Variants in POU3F3 observed in about 807,000 individuals in gnomAD.
The protein encoded by POU3F3 is POU class 3 homeobox 3.
Under a neutral mutation model 8.6 loss-of-function variants are expected in POU3F3, and 1 was observed. That is an observed-to-expected ratio of 0.12 (90% CI 0.04 to 0.55). POU3F3 has a LOEUF of 0.55. Among genes scored for constraint, POU3F3 ranks in the 20% least tolerant of loss-of-function variants. The pLI, the probability that POU3F3 is intolerant of heterozygous loss-of-function variation, is 0.91. For missense variants in POU3F3, 577 were observed against 690.7 expected (o/e 0.84, Z 1.84); for synonymous variants, 418 against 327.4 (o/e 1.28, Z -2.99).
chr2:104,878,099 A>G, the POU3F3 span, among the ~76,000 whole-genome samples: 1 of 152,218 alleles, frequency 6.6e-6, no homozygotes, highest in Middle Eastern at 3.2e-3. Flanking sequence ...AGGACAGACT[A>G]ACCAGAAACT....
rs1676611852 is a variant in POU3F3, at chr2:104,858,072, A to G, written c.*1059A>G. On this transcript the variant is annotated 3_prime_UTR_variant, in exon 1 of 1. Coordinates refer to ENST00000361360, the MANE Select transcript of POU3F3 (RefSeq NM_006236.3). ...TTCCACCGCTAATATTTTTTTTATT[A>G]ATATTTTTTATTTTTTATTTCTGGA... 1 of 152,160 alleles carries G rather than the reference A, an allele frequency of 6.6e-6. No individual in the cohort carries two copies. Among genetic ancestry groups the G allele is most frequent in the African/African-American group, 2.4e-5 (1 of 41,430 alleles). The allele number at this position is 152,160 out of a possible 1,614,324, so 9.4% of individuals were successfully genotyped here. A position where few individuals can be genotyped will look rare whatever the true frequency, so the allele number is the denominator to read the frequency against.
the POU3F3 span, chr2:104,868,234 C>G: frequency 6.6e-6 from 3 of 456,290 alleles, no homozygotes; most frequent in Admixed American, 7.0e-5. Flanking sequence ...TCTGGCACCT[C>G]GCGGTCTCAG....
At chr2:104,918,996 C>T in the POU3F3 span, among the ~76,000 whole-genome samples, 13 of 151,932 alleles carry the variant, frequency 8.6e-5, no homozygotes, top group African/African-American at 1.9e-4. Context: ...CTCAGCCTCC[C>T]GAGTAGCTGG....
At chr2:104,919,210 C>T in the POU3F3 span, among the ~76,000 whole-genome samples, 1 of 152,346 alleles carries the variant, frequency 6.6e-6, no homozygotes, top group East Asian at 1.9e-4. Flanking sequence ...CTGTGGAGAA[C>T]AGTATGTGCT....
At chr2:104,914,736 C>T in the POU3F3 span, among the ~76,000 whole-genome samples, 1 of 152,200 alleles carries the variant, frequency 6.6e-6, no homozygotes, top group Non-Finnish European at 1.5e-5. Context: ...ATGTTCCCTG[C>T]AGAAGGGGAT....
Position 104,855,824 on chromosome 2 carries a change from C to T in POU3F3, c.314C>T (p.Ala105Val). 8.8e-7 allele frequency: 1 copy of T among 1,135,582 alleles called. No individual in the cohort carries two copies. 70.3% of individuals were successfully genotyped at this position (1,135,582 alleles called of 1,614,324 possible). A position where few individuals can be genotyped will look rare whatever the true frequency, so the allele number is the denominator to read the frequency against. ...HQWVTALPHA[A>V]AAAAAAAAAA... ...TGGGTCACAGCCCTGCCCCACGCCG[C>T]CGCCGCCGCCGCCGCTGCCGCCGCC... The change falls in exon 1 of 1, where the codon GCC (alanine) becomes GTC (valine). Residue 105 changes from alanine (A) to valine (V), a missense_variant. By Grantham distance (64) the Ala-to-Val change is moderately conservative. This residue lies in a region of POU3F3 where 484 missense variants were observed against 422.6 expected (regional missense o/e 1.15). Coordinates refer to ENST00000361360, the MANE Select transcript of POU3F3 (RefSeq NM_006236.3).
At chr2:104,906,759 T>A in the POU3F3 span, among the ~76,000 whole-genome samples, 1 of 152,210 alleles carries the variant, frequency 6.6e-6, no homozygotes, top group Non-Finnish European at 1.5e-5. Flanking sequence ...GTGTTTTTGT[T>A]TGTTTTTCTA....
chr2:104,912,234 T>G, the POU3F3 span, among the ~76,000 whole-genome samples: 1 of 152,124 alleles, frequency 6.6e-6, no homozygotes, highest in South Asian at 2.1e-4. Context: ...GCATTGTGGG[T>G]GCTTGACAAG....
the POU3F3 span, among the ~76,000 whole-genome samples, chr2:104,896,457 C>T: frequency 2.6e-5 from 4 of 152,334 alleles, no homozygotes; most frequent in East Asian, 1.9e-4. Context: ...GGAGGTTCTA[C>T]GAGATAACAC....
chr2:104,904,327 G>A, the POU3F3 span, among the ~76,000 whole-genome samples: 2 of 152,152 alleles, frequency 1.3e-5, no homozygotes, highest in South Asian at 2.1e-4. Context: ...ACCTATTACA[G>A]TATAGTCTAT....
chr2:104,920,139 C>T, the POU3F3 span, among the ~76,000 whole-genome samples: 9 of 152,302 alleles, frequency 5.9e-5, no homozygotes, highest in East Asian at 9.7e-4. Context: ...CTCAGTCACC[C>T]GAGCACCTGG....
the POU3F3 span, chr2:104,865,884 C>G: frequency 6.6e-6 from 1 of 152,120 alleles, no homozygotes; most frequent in Non-Finnish European, 1.5e-5. Flanking sequence ...CACAGTATCA[C>G]CCAGAAACTA....
rs756985681 is a variant in POU3F3 at position 104,855,600 on chromosome 2, C to G, written c.90C>G (p.Gly30=). ...SIVHSDAAGA[G]GGGGGGGGGG... ...TGCACTCGGACGCGGCAGGGGCTGG[C>G]GGCGGCGGGGGTGGCGGCGGCGGCG... The change falls in exon 1 of 1, where the codon GGC becomes GGG. Residue 30 remains glycine (G), a synonymous_variant. Coordinates refer to ENST00000361360, the MANE Select transcript of POU3F3 (RefSeq NM_006236.3). The G allele has an allele frequency of 1.1e-6, 1 of 924,356 alleles. No homozygotes were observed. The highest frequency in any genetic ancestry group is 2.5e-5 in the African/African-American group (1 of 40,776). 57.3% of individuals were successfully genotyped at this position (924,356 alleles called of 1,614,324 possible).
At chr2:104,873,276 C>T in the POU3F3 span, among the ~76,000 whole-genome samples, 5 of 152,316 alleles carry the variant, frequency 3.3e-5, no homozygotes, top group African/African-American at 1.2e-4. Flanking sequence ...GCCCGCGCAC[C>T]GCGGTCACTT....
In POU3F3 at chr2:104,857,169, C is replaced by T; in HGVS notation, c.*156C>T. ...GGGCCGCTCCGGGCTCCAGCCCAGG[C>T]CCATCCGCCGCCCTCCCCTCCACCC... On this transcript the variant is annotated 3_prime_UTR_variant, in exon 1 of 1. Coordinates refer to ENST00000361360, the MANE Select transcript of POU3F3 (RefSeq NM_006236.3). The T allele has an allele frequency of 1.2e-6, 1 of 803,842 alleles. No homozygotes were observed. Among genetic ancestry groups the T allele is most frequent in the Non-Finnish European group, 1.5e-6 (1 of 664,406 alleles). 49.8% of individuals were successfully genotyped at this position (803,842 alleles called of 1,614,324 possible).
the POU3F3 span, among the ~76,000 whole-genome samples, chr2:104,912,276 G>A: frequency 6.6e-6 from 1 of 152,318 alleles, no homozygotes; most frequent in East Asian, 1.9e-4. Flanking sequence ...AAGGGGGAAG[G>A]AGGGAGTTTG....
At chr2:104,923,856 C>T in the POU3F3 span, among the ~76,000 whole-genome samples, 1 of 152,060 alleles carries the variant, frequency 6.6e-6, no homozygotes, top group Non-Finnish European at 1.5e-5. Flanking sequence ...CAAATAGTAA[C>T]CAGAAGAGAG....
chr2:104,904,312 T>C, the POU3F3 span, among the ~76,000 whole-genome samples: 4 of 152,176 alleles, frequency 2.6e-5, no homozygotes, highest in African/African-American at 9.7e-5. Context: ...CTTTAGTTCA[T>C]CTGAACCTAT....
At chr2:104,880,564 C>T in the POU3F3 span, among the ~76,000 whole-genome samples, 1 of 152,170 alleles carries the variant, frequency 6.6e-6, no homozygotes, top group Non-Finnish European at 1.5e-5. Flanking sequence ...TGACTGCCTC[C>T]CTGCAAGTGT....
Sources: gnomAD v4.1 joint callset for allele counts (sites outside exome capture counted in the v4.1 genomes callset) on GRCh38, gnomAD v4.1.1 for gene constraint, gnomAD v4.1.1 regional missense constraint, MANE v1.5 for transcripts, NCBI Gene and HGNC (gene_info 2026-07-23, HGNC 2026-07-21) for gene names.